ANKRD30B: variants seen among roughly 807,000 people sequenced by gnomAD.
ANKRD30B encodes ankyrin repeat domain 30B.
Under a neutral mutation model 202.2 loss-of-function variants are expected in ANKRD30B, and 144 were observed. That is an observed-to-expected ratio of 0.71 (90% confidence interval 0.62 to 0.82). The LOEUF is 0.82. Ranked by LOEUF, ANKRD30B falls within the 40% of genes least tolerant of loss-of-function variation. ANKRD30B has a pLI of 0.00. For missense variants in ANKRD30B, 1,487 were observed against 1,669.1 expected, an observed-to-expected ratio of 0.89 and a Z score of 1.90; for synonymous variants, 508 against 561.3, an observed-to-expected ratio of 0.91 and a Z score of 1.34.
At chr18:14,911,129 G>A in the ANKRD30B span, among the ~76,000 whole-genome samples, 3 of 151,938 alleles carry the variant, frequency 2.0e-5, no homozygotes, top group East Asian at 1.9e-4. Context: ...GTTTAATTAA[G>A]TTTCATTTGT....
intron 15 of ANKRD30B, among the ~76,000 whole-genome samples, chr18:14,787,408 T>G (rs1409966276): frequency 6.6e-6 from 1 of 152,194 alleles, no homozygotes; most frequent in East Asian, 1.9e-4. Flanking sequence ...AGAATTACAC[T>G]GAGTCCAGCT....
rs1568036199 is a variant in ANKRD30B, at chr18:14,809,921, A to G, written c.2387-65A>G. ...GGATTCATCTTCATATTCACACTCTATGAACATTTGGTAGGCTTTGTCAGG... is the reference window on the plus strand; with the variant it reads ...GGATTCATCTTCATATTCACACTCTGTGAACATTTGGTAGGCTTTGTCAGG... On this transcript the variant is annotated intron_variant, in intron 26 of 43. Coordinates refer to ENST00000690538, the MANE Select transcript of ANKRD30B (RefSeq NM_001367607.2). 33 of 1,315,708 alleles carry G rather than the reference A, an allele frequency of 2.5e-5. No individual in the cohort carries two copies. The Admixed American group carries it at 4.3e-4, about 17-fold the overall frequency. 81.5% of individuals were successfully genotyped at this position (1,315,708 alleles called of 1,614,324 possible). A position where few individuals can be genotyped will look rare whatever the true frequency, so the allele number is the denominator to read the frequency against.
At chr18:14,907,620 C>T in the ANKRD30B span, among the ~76,000 whole-genome samples, 20,298 of 152,224 alleles carry the variant, frequency 0.13, 1,552 homozygotes, top group East Asian at 0.26. Flanking sequence ...GAAATTAGCA[C>T]AGCCCTTATG....
chr18:14,877,516 G>GT, the ANKRD30B span: 5 of 151,576 alleles, frequency 3.3e-5, no homozygotes, highest in African/African-American at 1.2e-4. Context: ...TACTTAGCGC[G>GT]TTGTGTAGAA....
the ANKRD30B span, among the ~76,000 whole-genome samples, chr18:14,906,246 C>G: frequency 1.3e-5 from 2 of 152,156 alleles, no homozygotes; most frequent in Non-Finnish European, 2.9e-5. Flanking sequence ...CTGCCTCTCC[C>G]TTCCACTCTA....
the ANKRD30B span, among the ~76,000 whole-genome samples, chr18:14,895,796 G>A: frequency 4.6e-5 from 7 of 152,050 alleles, no homozygotes; most frequent in African/African-American, 1.5e-4. Context: ...TATGATTCCA[G>A]CCATATGACA....
At chr18:14,760,768 A>G (rs1915133891) in intron 6 of ANKRD30B, 150 bp downstream of exon 6, 2 of 506,220 alleles carry the variant, frequency 4.0e-6, no homozygotes, top group Admixed American at 3.9e-5. Context: ...ATATATATGT[A>G]TACATAGCTT....
the ANKRD30B span, among the ~76,000 whole-genome samples, chr18:14,863,488 C>T: frequency 6.6e-6 from 1 of 152,004 alleles, no homozygotes; most frequent in Non-Finnish European, 1.5e-5. Flanking sequence ...CTCACCCAAA[C>T]CTGAGCAGGT....
At position 14,841,025 on chromosome 18, in the gene ANKRD30B, A is replaced by G. The variant is rs1418275273; in HGVS notation, c.3079+347A>G. Reference sequence around the variant, plus strand: ...GTAAAATAAAAGAACTCTTTAGAGAAAGATAGAGCATGGTTAGAAAGCTGG... The same window carrying G: ...GTAAAATAAAAGAACTCTTTAGAGAGAGATAGAGCATGGTTAGAAAGCTGG... On this transcript the variant is annotated intron_variant, in intron 37 of 43. Coordinates refer to ENST00000690538, the MANE Select transcript of ANKRD30B (RefSeq NM_001367607.2). 2.6e-5 allele frequency among the ~76,000 whole-genome samples: 4 copies of G among 152,192 alleles called. No homozygotes were observed. The East Asian group carries it at 7.7e-4, about 29-fold the overall frequency.
chr18:14,756,084 A>G (rs1468903774), intron 4 of ANKRD30B, among the ~76,000 whole-genome samples: 3 of 152,246 alleles, frequency 2.0e-5, no homozygotes, highest in Admixed American at 6.5e-5. Flanking sequence ...TGACTTTTTA[A>G]TGATCGCCAT....
intron 3 of ANKRD30B, among the ~76,000 whole-genome samples, chr18:14,753,417 A>AC (rs1251664769): frequency 1.3e-5 from 2 of 152,140 alleles, no homozygotes; most frequent in East Asian, 3.9e-4. Context: ...AGCACATATG[A>AC]CTGTTTGGTA....
At position 14,755,457 on chromosome 18, in the gene ANKRD30B, G is replaced by A. The variant is rs917206031; in HGVS notation, c.617+452G>A. On this transcript the variant is annotated intron_variant, in intron 4 of 43. Coordinates refer to ENST00000690538, the MANE Select transcript of ANKRD30B (RefSeq NM_001367607.2). ...GTACATGTGCACATTGTGCAGGTTT[G>A]TTACATATGTATACGTGTGCCATGT... Among the ~76,000 whole-genome samples, 72 of 151,820 alleles carry A rather than the reference G, an allele frequency of 4.7e-4. 3 individuals carry two copies. The highest frequency in any genetic ancestry group is 1.3e-4 in the Non-Finnish European group (9 of 67,960).
chr18:14,908,176 C>A, the ANKRD30B span, among the ~76,000 whole-genome samples: 76,659 of 151,810 alleles, frequency 0.5, 19,592 homozygotes, highest in African/African-American at 0.53. Context: ...TTGTATGAAG[C>A]CTCACAGGTA....
chr18:14,873,531 A>G, the ANKRD30B span, among the ~76,000 whole-genome samples: 1 of 150,118 alleles, frequency 6.7e-6, no homozygotes, highest in African/African-American at 2.4e-5. Context: ...TTTCAAAAAA[A>G]AAAAAAAAAA....
At chr18:14,933,132 G>A in the ANKRD30B span, among the ~76,000 whole-genome samples, 1 of 152,158 alleles carries the variant, frequency 6.6e-6, no homozygotes, top group South Asian at 2.1e-4. Context: ...CCTGCTAAGC[G>A]TGACAATCCT....
At chr18:14,808,635 A>T in intron 25 of ANKRD30B, 37 bp from the exon 26 acceptor site, 1 of 1,561,166 alleles carries the variant, frequency 6.4e-7, no homozygotes, top group Non-Finnish European at 8.7e-7. Context: ...TGAAGTATAC[A>T]TTATATATTA....
At position 14,757,951 on chromosome 18, in the gene ANKRD30B, TAGTA is replaced by T. The variant is rs1914642913; in HGVS notation, c.755+3_755+6del. The T allele has an allele frequency of 6.3e-7, 1 of 1,584,462 alleles. No individual in the cohort carries two copies. The highest frequency in any genetic ancestry group is 2.3e-5 in the East Asian group (1 of 43,794). On this transcript the variant is annotated splice_donor_variant and splice_donor_region_variant and coding_sequence_variant and intron_variant, in exon 5 of 44. Coordinates refer to ENST00000690538, the MANE Select transcript of ANKRD30B (RefSeq NM_001367607.2). LOFTEE classifies it high-confidence loss of function. ...TTATGCTGCTGCTTGTGGAGTTAAT[TAGTA>T]AGTGTTTACATTTAAAGGCTAGGTG...
chr18:14,765,462 GA>G (rs56315734), intron 7 of ANKRD30B, among the ~76,000 whole-genome samples: 83,856 of 143,612 alleles, frequency 0.58, 24,292 homozygotes, highest in African/African-American at 0.66. Flanking sequence ...CACTCCATCT[GA>G]AAAAAAAAAA....
At chr18:14,928,914 G>T in the ANKRD30B span, among the ~76,000 whole-genome samples, 1 of 152,198 alleles carries the variant, frequency 6.6e-6, no homozygotes, top group South Asian at 2.1e-4. Flanking sequence ...CTTTGGTCAT[G>T]CGTCTCTATT....
Sources: gnomAD v4.1 joint callset for allele counts (sites outside exome capture counted in the v4.1 genomes callset) on GRCh38, gnomAD v4.1.1 for gene constraint, MANE v1.5 for transcripts, NCBI Gene and HGNC (gene_info 2026-07-23, HGNC 2026-07-21) for gene names.